Variants in HPS4 observed in about 807,000 individuals in gnomAD.
The protein encoded by HPS4 is HPS4 biogenesis of lysosomal organelles complex 3 subunit 2.
HPS4 carries 44 observed loss-of-function variants against 70.3 expected under a neutral mutation model. The ratio of observed to expected loss-of-function variants is 0.63; its 90% confidence interval spans 0.49 to 0.80. The LOEUF is 0.80. HPS4 is among the 30% of genes least tolerant of loss of function. The pLI, the probability that HPS4 is intolerant of heterozygous loss-of-function variation, is 0.00. For synonymous variants in HPS4, 377 were observed against 355.9 expected (o/e 1.06, Z -0.67); for missense variants, 873 against 884.4 (o/e 0.99, Z 0.16).
intron 13 of HPS4, among the ~76,000 whole-genome samples, chr22:26,455,455 C>T (rs2085926338): frequency 6.6e-6 from 1 of 150,422 alleles, no homozygotes; most frequent in Non-Finnish European, 1.5e-5. Flanking sequence ...AACTGGAAAC[C>T]ATCATTCTCA....
chr22:26,466,422 C>T (rs2088633074), intron 8 of HPS4, 160 bp from the exon 9 acceptor site: 3 of 792,678 alleles, frequency 3.8e-6, no homozygotes, highest in Non-Finnish European at 6.4e-6. Flanking sequence ...ACAGAAGCTC[C>T]CCCAAGCTGC....
At chr22:26,454,234 T>C (rs544182855) in intron 13 of HPS4, among the ~76,000 whole-genome samples, 1 of 152,338 alleles carries the variant, frequency 6.6e-6, no homozygotes, top group South Asian at 2.1e-4. Context: ...CTGCACCCAC[T>C]GGCCCAGCAA....
chr22:26,448,762 A>G (rs2085040103), downstream of HPS4, among the ~76,000 whole-genome samples: 2 of 152,192 alleles, frequency 1.3e-5, no homozygotes, highest in Non-Finnish European at 2.9e-5. Context: ...AAGGTGTCCT[A>G]TTTTCACCTT....
At chr22:26,443,415 T>G, downstream of HPS4, 1 of 521,024 alleles carries the variant, frequency 1.9e-6, no homozygotes, top group Non-Finnish European at 3.4e-6. Flanking sequence ...CTTAGATTTT[T>G]TTTTTTTCCT....
intron 11 of HPS4, among the ~76,000 whole-genome samples, chr22:26,463,374 G>A (rs544338538): frequency 1.3e-5 from 2 of 152,300 alleles, no homozygotes; most frequent in African/African-American, 2.4e-5. Context: ...GACACACTGC[G>A]GAGGAGTTTC....
At chr22:26,476,107 AAAC>A (rs1230024196) in intron 4 of HPS4, 1 of 152,204 alleles carries the variant, frequency 6.6e-6, no homozygotes, top group Admixed American at 6.5e-5. Context: ...ATAGGTAATA[AAAC>A]AACTATAATA....
At chr22:26,458,069 G>T in intron 12 of HPS4, 102 bp from the exon 13 acceptor site, 1 of 1,035,600 alleles carries the variant, frequency 9.7e-7, no homozygotes, top group Non-Finnish European at 1.4e-6. Flanking sequence ...CACGGCTCAA[G>T]GCCATGAGTT....
Position 26,472,952 on chromosome 22 carries a change from A to C in HPS4, c.277-13T>G. 1 of 1,611,870 alleles carries C rather than the reference A, an allele frequency of 6.2e-7. No individual in the cohort carries two copies. Among genetic ancestry groups the C allele is most frequent in the Non-Finnish European group, 8.5e-7 (1 of 1,177,930 alleles). The stretch of plus-strand genomic sequence containing the variant: ...CACAGCCCAGCACCTGTAAAGAGAG[A>C]AACCAGGAAGACAAGCATCTTCCTT... On this transcript the variant is annotated splice_polypyrimidine_tract_variant and intron_variant, in intron 4 of 13. Transcript: ENST00000398145.
chr22:26,476,797 T>C, intron 4 of HPS4, 196 bp downstream of exon 4: 1 of 611,814 alleles, frequency 1.6e-6, no homozygotes, highest in Non-Finnish European at 2.9e-6. Flanking sequence ...ATGCAGAATA[T>C]GTTAGAAATG....
At chr22:26,462,716 A>G (rs929022079) in intron 11 of HPS4, among the ~76,000 whole-genome samples, 1 of 152,192 alleles carries the variant, frequency 6.6e-6, no homozygotes, top group African/African-American at 2.4e-5. Flanking sequence ...CAGACCATGA[A>G]AACCAAGGCA....
At chr22:26,443,982 C>T (rs1305649842), downstream of HPS4, 1 of 152,248 alleles carries the variant, frequency 6.6e-6, no homozygotes, top group Non-Finnish European at 1.5e-5. Context: ...AGCCACGGAA[C>T]GTGTGATCCG....
At chr22:26,479,474 G>T (rs186905010) in intron 2 of HPS4, 119 bp from the exon 3 acceptor site, 2 of 1,503,266 alleles carry the variant, frequency 1.3e-6, no homozygotes, top group Non-Finnish European at 8.9e-7. Flanking sequence ...AAGCCTTCAG[G>T]TGGCCCCAGA....
chr22:26,459,137 C>T (rs1027634075), intron 11 of HPS4, among the ~76,000 whole-genome samples: 4 of 152,206 alleles, frequency 2.6e-5, no homozygotes, highest in Admixed American at 6.5e-5. Context: ...GCCCTGGGTA[C>T]AGAAGTCCCT....
chr22:26,470,627 G>T, intron 7 of HPS4, 92 bp downstream of exon 7: 1 of 1,283,390 alleles, frequency 7.8e-7, no homozygotes, highest in Non-Finnish European at 1.1e-6. Context: ...ACTGGCCAGA[G>T]ACTGGGCTCC....
rs752723057 is a variant in HPS4 at position 26,452,214 on chromosome 22, C to T, written c.*1019G>A. The T allele has an allele frequency of 2.7e-6, 1 of 366,342 alleles. No homozygotes were observed. Among genetic ancestry groups the T allele is most frequent in the Non-Finnish European group, 5.4e-6 (1 of 184,388 alleles). The allele number at this position is 366,342 out of a possible 1,614,324, so 22.7% of individuals were successfully genotyped here. On this transcript the variant is annotated 3_prime_UTR_variant, in exon 14 of 14. Transcript: ENST00000398145. ...TGACATGAAATTATTAACAATACAACTCTCAAATGGAATCTCAAGTACTTC... is the reference window on the plus strand; with the variant it reads ...TGACATGAAATTATTAACAATACAATTCTCAAATGGAATCTCAAGTACTTC...
At chr22:26,450,171 G>A (rs146480637), downstream of HPS4, among the ~76,000 whole-genome samples, 2,466 of 152,180 alleles carry the variant, frequency 0.016, 83 homozygotes, top group South Asian at 0.083. Flanking sequence ...GCAAACATCC[G>A]ATCCAACAAG....
At chr22:26,460,682 T>G (rs2087069615) in intron 11 of HPS4, among the ~76,000 whole-genome samples, 1 of 152,244 alleles carries the variant, frequency 6.6e-6, no homozygotes, top group African/African-American at 2.4e-5. Context: ...ATGTGGATAA[T>G]TTTTACTGAT....
chr22:26,472,524 C>G (rs17401652), intron 5 of HPS4, 106 bp from the exon 6 acceptor site: 1 of 838,854 alleles, frequency 1.2e-6, no homozygotes. Context: ...GGAAACTGAC[C>G]GGAAGGGAGG....
At chr22:26,453,515 G>A in intron 13 of HPS4, 111 bp from the exon 14 acceptor site, 1 of 1,106,586 alleles carries the variant, frequency 9.0e-7, no homozygotes, top group Admixed American at 1.8e-5. Context: ...ACCCAATGTG[G>A]CATGTGCAGC....
Sources: allele counts gnomAD v4.1 joint callset (sites outside exome capture counted in the v4.1 genomes callset), GRCh38; gene constraint gnomAD v4.1.1; transcripts MANE v1.5; gene names NCBI Gene and HGNC (gene_info 2026-07-23, HGNC 2026-07-21).